The following DNAH3 variants were observed in gnomAD, a reference collection of about 807,000 sequenced individuals.
DNAH3 encodes the protein dynein axonemal heavy chain 3, also known as axonemal beta dynein heavy chain 3.
A neutral mutation model predicts 432.5 loss-of-function variants in DNAH3; 332 were observed. The ratio of observed to expected loss-of-function variants is 0.77; its 90% confidence interval spans 0.70 to 0.84. The LOEUF is 0.84. Ranked by LOEUF, DNAH3 falls within the 40% of genes least tolerant of loss-of-function variation. The pLI is 0.00. For synonymous variants in DNAH3, 1,956 were observed against 1,900.2 expected, an observed-to-expected ratio of 1.03 and a Z score of -0.76; for missense variants, 4,861 against 5,114.0, an observed-to-expected ratio of 0.95 and a Z score of 1.51.
intron 3 of DNAH3, among the ~76,000 whole-genome samples, chr16:21,142,995 A>G (rs938762390): frequency 2.0e-5 from 3 of 152,220 alleles, no homozygotes; most frequent in Admixed American, 2.0e-4. Context: ...TCCTCCAAGT[A>G]CAAATGTATT....
At chr16:20,975,467 AG>A in intron 50 of DNAH3, 52 bp from the exon 51 acceptor site, 1 of 1,541,448 alleles carries the variant, frequency 6.5e-7, no homozygotes, top group South Asian at 1.2e-5. Flanking sequence ...AAAATGGCAA[AG>A]TAGACAAGAA....
intron 49 of DNAH3, among the ~76,000 whole-genome samples, 173 bp downstream of exon 49, chr16:20,982,548 T>C (rs2085959773): frequency 6.6e-6 from 1 of 152,214 alleles, no homozygotes; most frequent in African/African-American, 2.4e-5. Context: ...AATTTTCTTC[T>C]TTTACAGACA....
At chr16:21,080,432 A>C (rs1312286988) in intron 20 of DNAH3, among the ~76,000 whole-genome samples, 1 of 152,280 alleles carries the variant, frequency 6.6e-6, no homozygotes, top group Admixed American at 6.5e-5. Context: ...AATACTAATC[A>C]GTATTAAAAA....
exon 43 of DNAH3, chr16:21,000,252 G>A (rs2086952871): frequency 1.2e-6 from 2 of 1,613,982 alleles, no homozygotes; most frequent in South Asian, 1.1e-5. Flanking sequence ...TCTTCCCTAT[G>A]GGAGGCCCGA....
intron 51 of DNAH3, among the ~76,000 whole-genome samples, chr16:20,973,042 T>C (rs1431661364): frequency 2.0e-5 from 3 of 152,078 alleles, no homozygotes; most frequent in African/African-American, 7.2e-5. Flanking sequence ...ATGACCTATT[T>C]ATGATAGAAG....
At chr16:20,938,367 G>A (rs2083672653) in intron 59 of DNAH3, among the ~76,000 whole-genome samples, 1 of 151,400 alleles carries the variant, frequency 6.6e-6, no homozygotes, top group African/African-American at 2.4e-5. Flanking sequence ...TCCAGCCTGG[G>A]CGACAAGAGT....
chr16:21,121,760 C>T (rs1276434473), intron 10 of DNAH3, among the ~76,000 whole-genome samples, 185 bp downstream of exon 11: 1 of 152,022 alleles, frequency 6.6e-6, no homozygotes, highest in Non-Finnish European at 1.5e-5. Context: ...TTCTGGGCTG[C>T]GTGAATATTT....
intron 14 of DNAH3, among the ~76,000 whole-genome samples, chr16:21,110,659 C>G (rs1708351138): frequency 6.6e-6 from 1 of 152,150 alleles, no homozygotes; most frequent in African/African-American, 2.4e-5. Flanking sequence ...CCAAAAACAT[C>G]TTGTCTAACA....
At chr16:20,938,262 G>A (rs996376494) in intron 59 of DNAH3, among the ~76,000 whole-genome samples, 2 of 152,150 alleles carry the variant, frequency 1.3e-5, no homozygotes, top group African/African-American at 2.4e-5. Flanking sequence ...ATGCGCGCCT[G>A]TAATTCCAGC....
intron 59 of DNAH3, among the ~76,000 whole-genome samples, chr16:20,938,669 CAAAAAAAAA>C (rs901953556): frequency 1.2e-5 from 1 of 81,910 alleles, no homozygotes; most frequent in South Asian, 4.2e-4. Flanking sequence ...GGTGAAAAGG[CAAAAAAAAA>C]AAAAAAAAAG....
intron 56 of DNAH3, among the ~76,000 whole-genome samples, chr16:20,950,462 A>G (rs1317135653): frequency 6.6e-6 from 1 of 152,166 alleles, no homozygotes. Flanking sequence ...GACATTGCCA[A>G]ATAGCCACTG....
chr16:20,937,841 G>C (rs186873098), intron 59 of DNAH3, among the ~76,000 whole-genome samples: 1 of 151,754 alleles, frequency 6.6e-6, no homozygotes, highest in Non-Finnish European at 1.5e-5. Flanking sequence ...CTTTTTTATC[G>C]ACTATAAGGT....
chr16:21,157,918 G>C (rs1365054294), intron 1 of DNAH3, among the ~76,000 whole-genome samples: 2 of 151,778 alleles, frequency 1.3e-5, no homozygotes, highest in Non-Finnish European at 2.9e-5. Context: ...CTGGAGGTGG[G>C]GGGGGGCGGT....
At chr16:20,995,669 T>A (rs931621015) in intron 44 of DNAH3, among the ~76,000 whole-genome samples, 2 of 152,226 alleles carry the variant, frequency 1.3e-5, no homozygotes, top group African/African-American at 4.8e-5. Flanking sequence ...GCTTTGTTTC[T>A]ATTCATCTTA....
intron 44 of DNAH3, among the ~76,000 whole-genome samples, chr16:20,991,772 T>C (rs565157397): frequency 1.2e-3 from 182 of 152,326 alleles, no homozygotes; most frequent in African/African-American, 4.1e-3. Flanking sequence ...CAGAGACTTG[T>C]TGGGATTCAG....
At chr16:20,936,841 C>A in exon 60 of DNAH3, 1 of 1,611,332 alleles carries the variant, frequency 6.2e-7, no homozygotes, top group Non-Finnish European at 8.5e-7. Context: ...TCCTCCGAAC[C>A]ACTTTGGTCA....
chr16:21,108,721 C>A (rs1413997195), intron 14 of DNAH3, among the ~76,000 whole-genome samples: 18 of 152,022 alleles, frequency 1.2e-4, no homozygotes, highest in Admixed American at 1.2e-3. Context: ...CCAGTCTGGG[C>A]AACAGAGTAA....
At chr16:21,130,675 T>C (rs2092540201) in intron 7 of DNAH3, among the ~76,000 whole-genome samples, 2 of 152,186 alleles carry the variant, frequency 1.3e-5, no homozygotes, top group African/African-American at 4.8e-5. Context: ...TTGGTGCTGC[T>C]GTTGCTGGCA....
exon 45 of DNAH3, chr16:20,988,001 C>A: frequency 6.2e-7 from 1 of 1,614,142 alleles, no homozygotes; most frequent in Non-Finnish European, 8.5e-7. Context: ...AACTGAAAAT[C>A]TTGGTTAAAA....
Sources: gnomAD v4.1 joint callset for allele counts (sites outside exome capture counted in the v4.1 genomes callset) on GRCh38, gnomAD v4.1.1 for gene constraint, MANE v1.5 for transcripts, NCBI Gene and HGNC (gene_info 2026-07-23, HGNC 2026-07-21) for gene names.